The following SBNO2 variants were observed in gnomAD, a reference collection of about 807,000 sequenced individuals.
SBNO2 encodes strawberry notch homolog 2, also known as protein strawberry notch homolog 2.
SBNO2 carries 89 observed loss-of-function variants against 146.3 expected under a neutral mutation model. The observed-to-expected ratio is 0.61, with a 90% CI of 0.51 to 0.73. SBNO2 has a LOEUF of 0.73. Among genes scored for constraint, SBNO2 ranks in the 30% least tolerant of loss-of-function variants. The pLI is 0.00. For missense variants in SBNO2, 2,092 were observed against 2,003.7 expected (o/e 1.04, Z -0.84); for synonymous variants, 1,147 against 892.6 (o/e 1.29, Z -5.08).
rs1278434173 is a variant in SBNO2, at chr19:1,132,245, C to T, written c.280-4480G>A. ...TTGGGTCGGCCGGGGCGGACGGGGGCGGCTCTCCGCCCGGCTGCATTTGCA... is the reference window on the plus strand; with the variant it reads ...TTGGGTCGGCCGGGGCGGACGGGGGTGGCTCTCCGCCCGGCTGCATTTGCA... On this transcript the variant is annotated intron_variant, in intron 4 of 31. Coordinates refer to ENST00000361757, the MANE Select transcript of SBNO2 (RefSeq NM_014963.3). 2.3e-6 allele frequency: 3 copies of T among 1,303,954 alleles called. No homozygotes were observed. The African/African-American group carries it at 4.6e-5, about 20-fold the overall frequency. 80.8% of individuals were successfully genotyped at this position (1,303,954 alleles called of 1,614,324 possible). A position where few individuals can be genotyped will look rare whatever the true frequency, so the allele number is the denominator to read the frequency against.
intron 15 of SBNO2, 28 bp downstream of exon 15, chr19:1,117,295 T>G: frequency 6.5e-7 from 1 of 1,544,280 alleles, no homozygotes; most frequent in Admixed American, 2.0e-5. Flanking sequence ...CCGGCCGCCC[T>G]CAGCCCTCGA....
rs1243002787 is a variant in SBNO2, at chr19:1,114,250, C to A, written c.2058G>T (p.Gly686=). 2 of 1,528,720 alleles carry A rather than the reference C, an allele frequency of 1.3e-6. No individual in the cohort carries two copies. The highest frequency in any genetic ancestry group is 2.0e-5 in the Admixed American group (1 of 49,078). The allele number at this position is 1,528,720 out of a possible 1,614,324, so 94.7% of individuals were successfully genotyped here. ...CCTCACCCCGGTCGTCACTGGGGAG[C>A]CCGACTGCATCAACGATGACAACGT... The part of the protein sequence containing the change: ...DDDVVIVDAV[G]LPSDDRGPLC... Residue 686 remains glycine, a synonymous_variant, in exon 18 of 32, where the codon GGG becomes GGT. Coordinates refer to ENST00000361757, the MANE Select transcript of SBNO2 (RefSeq NM_014963.3).
rs373599971 is a variant in SBNO2 at position 1,123,032 on chromosome 19, C to T, written c.642G>A (p.Lys214=). 7.0e-5 allele frequency: 112 copies of T among 1,591,722 alleles called. No individual in the cohort carries two copies. The highest frequency in any genetic ancestry group is 5.0e-4 in the Middle Eastern group (3 of 6,038). ...DYVPSKSKIG[K]QHPDRVVETS... is the part of the protein sequence containing the mutation. ...TCTCCACCACGCGGTCTGGGTGCTGCTTCCCGATCTTGGCTGGAGGAGCAA... is the reference window on the plus strand; with the variant it reads ...TCTCCACCACGCGGTCTGGGTGCTGTTTCCCGATCTTGGCTGGAGGAGCAA... The change falls in exon 8 of 32, where the codon AAG becomes AAA. Residue 214 remains lysine (K), a synonymous_variant. Transcript: ENST00000361757.
In SBNO2 at chr19:1,157,374, C is replaced by T. The variant is rs2080300888; in HGVS notation, c.-126-2972G>A. 7.1e-6 allele frequency among the ~76,000 whole-genome samples: 1 copy of T among 140,366 alleles called. No individual in the cohort carries two copies. The highest frequency in any genetic ancestry group is 2.5e-5 in the African/African-American group (1 of 39,270). 92.1% of individuals were successfully genotyped at this position (140,366 alleles called of 152,430 possible). ...CTCCCCACGCGGCCCCGGAGACCCT[C>T]TGCCACGCAGCCCCGGAGACGCTCT... is the stretch of plus-strand genomic sequence containing the variant. On this transcript the variant is annotated intron_variant, in intron 1 of 31. Coordinates refer to ENST00000361757, the MANE Select transcript of SBNO2 (RefSeq NM_014963.3). The surrounding 1 kb of genome is among the most constrained non-coding windows in gnomAD (Gnocchi z 6.8).
rs2079694559 is a variant in SBNO2, at chr19:1,108,151, G to A, written c.*69C>T. 3 of 1,428,774 alleles carry A rather than the reference G, an allele frequency of 2.1e-6. No homozygotes were observed. The highest frequency in any genetic ancestry group is 4.8e-5 in the Admixed American group (2 of 41,958). The allele number at this position is 1,428,774 out of a possible 1,614,324, so 88.5% of individuals were successfully genotyped here. A position where few individuals can be genotyped will look rare whatever the true frequency, so the allele number is the denominator to read the frequency against. On this transcript the variant is annotated 3_prime_UTR_variant, in exon 32 of 32. Transcript: ENST00000361757. ...GCAGTGGTCAGGGGACCTTGGCCCT[G>A]CTCCCCACCGCTGCTCCTAGGGGAG...
rs376491235 is a variant in SBNO2 at position 1,115,605 on chromosome 19, G to A, written c.1885+416C>T. ...CAGGCCTGGCCAGTATGGTGGACACGCGGGGTGCCTGGGGAGGCCACACAC... is the reference window on the plus strand; with the variant it reads ...CAGGCCTGGCCAGTATGGTGGACACACGGGGTGCCTGGGGAGGCCACACAC... On this transcript the variant is annotated intron_variant, in intron 17 of 31. Coordinates refer to ENST00000361757, the MANE Select transcript of SBNO2 (RefSeq NM_014963.3). The A allele has an allele frequency of 6.9e-5, 17 of 246,162 alleles. No homozygotes were observed. The East Asian group carries it at 1.4e-3, about 20-fold the overall frequency. 15.2% of individuals were successfully genotyped at this position (246,162 alleles called of 1,614,324 possible).
At chr19:1,146,614 T>C (rs2080192282) in intron 4 of SBNO2, among the ~76,000 whole-genome samples, 1 of 151,274 alleles carries the variant, frequency 6.6e-6, no homozygotes, top group Admixed American at 6.6e-5. Flanking sequence ...ACACGGAGGC[T>C]GTGGTATCCG....
intron 4 of SBNO2, chr19:1,128,311 G>A (rs772834702): frequency 2.1e-5 from 8 of 389,216 alleles, no homozygotes; most frequent in Middle Eastern, 3.6e-4. Flanking sequence ...AGGGGCGGGG[G>A]CAGCCACGCC....
At chr19:1,118,230 C>T (rs1372190593) in intron 14 of SBNO2, among the ~76,000 whole-genome samples, 1 of 151,930 alleles carries the variant, frequency 6.6e-6, no homozygotes, top group African/African-American at 2.4e-5. Context: ...CCCAGCTACG[C>T]GGGAGGCTGA....
intron 2 of SBNO2, among the ~76,000 whole-genome samples, chr19:1,152,404 TC>T (rs1452286487): frequency 1.3e-5 from 2 of 152,192 alleles, no homozygotes; most frequent in African/African-American, 4.8e-5. Context: ...AGGGTGTGTT[TC>T]CGAGATAGAA....
intron 2 of SBNO2, among the ~76,000 whole-genome samples, chr19:1,152,064 C>G (rs1438660658): frequency 6.6e-6 from 1 of 152,186 alleles, no homozygotes; most frequent in Non-Finnish European, 1.5e-5. Context: ...ATGACGTACC[C>G]GAATGTGACG....
intron 5 of SBNO2, among the ~76,000 whole-genome samples, chr19:1,124,304 C>G (rs73918330): frequency 0.037 from 5,622 of 152,216 alleles, 359 homozygotes; most frequent in African/African-American, 0.13. Flanking sequence ...CTGGAGTGCC[C>G]GGGAGGAAGG....
chr19:1,108,472 G>A lies in SBNO2; in HGVS notation c.3849C>T (p.Asp1283=), dbSNP rs2079702206. The change falls in exon 32 of 32, where the codon GAC becomes GAT. Residue 1283 remains aspartate, a synonymous_variant. Transcript: ENST00000361757. ...CCAGCGGCACGACGCCGGGGCCGGC[G>A]TCCAGGGACAGCGGCGCCGGGAAAG... ...HFSFPAPLSL[D]AGPGVVPLGT... 2.5e-6 allele frequency: 3 copies of A among 1,224,404 alleles called. No individual in the cohort carries two copies. Among genetic ancestry groups the A allele is most frequent in the Admixed American group, 4.6e-5 (1 of 21,544 alleles). The allele number at this position is 1,224,404 out of a possible 1,614,324, so 75.8% of individuals were successfully genotyped here. A position where few individuals can be genotyped will look rare whatever the true frequency, so the allele number is the denominator to read the frequency against.
At position 1,163,294 on chromosome 19, in the gene SBNO2, TGGAGAC is replaced by T. The variant is rs558572506; in HGVS notation, c.-126-8898_-126-8893del. 1.8e-3 allele frequency among the ~76,000 whole-genome samples: 271 copies of T among 152,262 alleles called. 1 individual carries two copies. The highest frequency in any genetic ancestry group is 6.4e-3 in the African/African-American group (267 of 41,544). ...ACCCACACATCGGGAGACGGCCGCA[TGGAGAC>T]GGAGCAGAGGCTGGAGTGACGCGGC... On this transcript the variant is annotated intron_variant, in intron 1 of 31. Transcript: ENST00000361757.
At chr19:1,146,544 C>T (rs1004622856) in intron 4 of SBNO2, among the ~76,000 whole-genome samples, 11 of 152,038 alleles carry the variant, frequency 7.2e-5, no homozygotes, top group Admixed American at 2.0e-4. Flanking sequence ...AGGTGACCCT[C>T]GCTCCCCGGC....
chr19:1,123,458 G>T, intron 7 of SBNO2, 76 bp downstream of exon 7: 1 of 1,251,202 alleles, frequency 8.0e-7, no homozygotes, highest in Non-Finnish European at 1.2e-6. Context: ...TGTGCGGGCG[G>T]TGGTCACCTG....
intron 1 of SBNO2, among the ~76,000 whole-genome samples, chr19:1,161,628 G>C (rs776549325): frequency 5.3e-5 from 8 of 151,722 alleles, no homozygotes; most frequent in Non-Finnish European, 1.2e-4. Context: ...TCTTGGGCCC[G>C]ATGAAGCGGG....
At position 1,127,782 on chromosome 19, in the gene SBNO2, G is replaced by A; in HGVS notation, c.280-17C>T. 2 of 1,611,422 alleles carry A rather than the reference G, an allele frequency of 1.2e-6. No individual in the cohort carries two copies. Among genetic ancestry groups the A allele is most frequent in the Non-Finnish European group, 1.7e-6 (2 of 1,178,260 alleles). On this transcript the variant is annotated splice_polypyrimidine_tract_variant and intron_variant, in intron 4 of 31. Coordinates refer to ENST00000361757, the MANE Select transcript of SBNO2 (RefSeq NM_014963.3). The stretch of plus-strand genomic sequence containing the variant: ...GGAGGAGTCCTGGAAGACAAGGCCA[G>A]GCCCGGTGAGGGTGGTACGGGAGAC...
intron 4 of SBNO2, among the ~76,000 whole-genome samples, chr19:1,143,091 T>C (rs2080155941): frequency 6.6e-6 from 1 of 152,212 alleles, no homozygotes; most frequent in Non-Finnish European, 1.5e-5. Flanking sequence ...CAGGAAACAT[T>C]TGCAGGGAAT....
Sources: gnomAD v4.1 joint callset for allele counts (sites outside exome capture counted in the v4.1 genomes callset) on GRCh38, gnomAD v4.1.1 for gene constraint, Gnocchi (gnomAD v3.1) non-coding constraint, MANE v1.5 for transcripts, NCBI Gene and HGNC (gene_info 2026-07-23, HGNC 2026-07-21) for gene names.